The following GABRB3 variants were observed in gnomAD, a reference collection of about 807,000 sequenced individuals.
GABRB3 encodes gamma-aminobutyric acid receptor subunit beta-3.
In GABRB3, 14 loss-of-function variants were observed where a neutral mutation model predicts 52.1. The ratio of observed to expected loss-of-function variants is 0.27; its 90% CI spans 0.18 to 0.42. The LOEUF (loss-of-function observed/expected upper bound fraction) is 0.42. Ranked by LOEUF, GABRB3 falls within the 10% of genes least tolerant of loss-of-function variation. The pLI, the probability that GABRB3 is intolerant of heterozygous loss-of-function variation, is 1.00. For synonymous variants in GABRB3, 260 were observed against 232.3 expected (o/e 1.12, Z -1.08); for missense variants, 307 against 609.1 (o/e 0.50, Z 5.22).
chr15:26,563,555 G>C lies in GABRB3; in HGVS notation c.836-2379C>G, dbSNP rs576395964. ...AGCCCAGCTCTGCCTCTGTGGGTCTGTAGCCATCATTTCGAGCTGTTGGAA... is the reference window on the plus strand; with the variant it reads ...AGCCCAGCTCTGCCTCTGTGGGTCTCTAGCCATCATTTCGAGCTGTTGGAA... On this transcript the variant is annotated intron_variant, in intron 7 of 8. Transcript: ENST00000311550. Among the ~76,000 whole-genome samples, 8 of 152,324 alleles carry C rather than the reference G, an allele frequency of 5.3e-5. No individual in the cohort carries two copies. In the South Asian group the frequency reaches 1.7e-3, roughly 32 times the overall value.
At chr15:26,762,488 G>A (rs985545204) in intron 3 of GABRB3, among the ~76,000 whole-genome samples, 12 of 152,048 alleles carry the variant, frequency 7.9e-5, no homozygotes, top group Admixed American at 6.5e-4. Context: ...CCTCTGTGAA[G>A]AAGTGCTAAT....
intron 3 of GABRB3, among the ~76,000 whole-genome samples, chr15:26,699,714 T>C (rs1595537635): frequency 6.6e-6 from 1 of 152,166 alleles, no homozygotes. Context: ...AAGGTGAGTA[T>C]ATTTGAGGAC....
intron 3 of GABRB3, among the ~76,000 whole-genome samples, chr15:26,754,325 GAGAGAC>G (rs902851113): frequency 1.1e-4 from 16 of 152,190 alleles, no homozygotes; most frequent in South Asian, 2.1e-4. Flanking sequence ...CAAGAAAAGA[GAGAGAC>G]AGAGACAGAG....
chr15:26,731,063 GCTCTCGCT>G (rs988908917), intron 3 of GABRB3, among the ~76,000 whole-genome samples: 36 of 80,972 alleles, frequency 4.4e-4, no homozygotes, highest in South Asian at 4.0e-3. Flanking sequence ...TCTCTCACTC[GCTCTCGCT>G]CTCTCTCTCT....
At chr15:26,750,785 T>C (rs939572414) in intron 3 of GABRB3, among the ~76,000 whole-genome samples, 3 of 152,206 alleles carry the variant, frequency 2.0e-5, no homozygotes, top group African/African-American at 7.2e-5. Context: ...AAACCTGTGA[T>C]GCAGGCTAGA....
intron 3 of GABRB3, among the ~76,000 whole-genome samples, chr15:26,762,482 T>C (rs183585291): frequency 3.3e-5 from 5 of 152,240 alleles, no homozygotes; most frequent in East Asian, 3.9e-4. Context: ...CCAAAACCTC[T>C]GTGAAGAAGT....
At chr15:26,738,392 C>T (rs1236943667) in intron 3 of GABRB3, among the ~76,000 whole-genome samples, 1 of 152,146 alleles carries the variant, frequency 6.6e-6, no homozygotes, top group Non-Finnish European at 1.5e-5. Context: ...CAGTCTTGGG[C>T]TTACTGACAA....
intron 7 of GABRB3, among the ~76,000 whole-genome samples, chr15:26,564,801 T>C (rs1203223722): frequency 1.3e-5 from 2 of 152,210 alleles, no homozygotes; most frequent in African/African-American, 4.8e-5. Flanking sequence ...GAGTTCATAA[T>C]GTTTGGTTAG....
At chr15:26,684,465 C>T (rs375473780) in intron 3 of GABRB3, among the ~76,000 whole-genome samples, 2 of 152,260 alleles carry the variant, frequency 1.3e-5, no homozygotes, top group African/African-American at 4.8e-5. Flanking sequence ...CAATTTCTTT[C>T]AATAATGTTT....
In GABRB3 at chr15:26,544,005, ACCTGGGCAGTTCTTTGCC is replaced by A. The variant is rs1889128047; in HGVS notation, c.*3770_*3787del. ...CTAGTGTCCTGGAAAAATTTAATTC[ACCTGGGCAGTTCTTTGCC>A]CCAAGATTCGATGTTACTCTAATGG... On this transcript the variant is annotated 3_prime_UTR_variant, in exon 9 of 9. Transcript: ENST00000311550. 6.6e-6 allele frequency: 1 copy of A among 152,602 alleles called. No individual in the cohort carries two copies. Among genetic ancestry groups the A allele is most frequent in the Admixed American group, 6.5e-5 (1 of 15,274 alleles). 9.5% of individuals were successfully genotyped at this position (152,602 alleles called of 1,614,324 possible).
chr15:26,605,423 C>G (rs138420892), intron 4 of GABRB3, among the ~76,000 whole-genome samples: 4 of 152,242 alleles, frequency 2.6e-5, no homozygotes, highest in African/African-American at 4.8e-5. Context: ...ATACACCCAA[C>G]AGGTGAAAAA....
At position 26,621,302 on chromosome 15, in the gene GABRB3, A is replaced by C. The variant is rs745398271; in HGVS notation, c.461+12T>G. The C allele has an allele frequency of 9.9e-6, 16 of 1,610,524 alleles. No homozygotes were observed. The East Asian group carries it at 3.3e-4, about 34-fold the overall frequency. ...TGCAACAGCAAAATTGGTCCTGAAG[A>C]GGCACACAGACCTGAGCCCATACAG... On this transcript the variant is annotated intron_variant, in intron 4 of 8. Transcript: ENST00000311550. This position sits in a 1 kb window ranked among gnomAD's most constrained non-coding sequence, Gnocchi z 4.1.
At chr15:26,684,549 T>C (rs1394025641) in intron 3 of GABRB3, among the ~76,000 whole-genome samples, 1 of 152,218 alleles carries the variant, frequency 6.6e-6, no homozygotes, top group African/African-American at 2.4e-5. Context: ...CGGCGTGCCT[T>C]TCTCACTAAG....
chr15:26,603,528 A>C (rs1415133950), intron 4 of GABRB3, among the ~76,000 whole-genome samples: 1 of 152,142 alleles, frequency 6.6e-6, no homozygotes, highest in East Asian at 1.9e-4. Flanking sequence ...TATTCAACAA[A>C]ATACTAGGAA....
intron 3 of GABRB3, among the ~76,000 whole-genome samples, chr15:26,740,045 A>C (rs1890161718): frequency 6.6e-6 from 1 of 152,128 alleles, no homozygotes; most frequent in African/African-American, 2.4e-5. Context: ...GTGTCAACAA[A>C]ATGATCTTCC....
chr15:26,771,321 A>G (rs928509852), intron 3 of GABRB3, among the ~76,000 whole-genome samples: 7 of 152,160 alleles, frequency 4.6e-5, no homozygotes, highest in African/African-American at 1.7e-4. Flanking sequence ...CTTGATCAGA[A>G]TCCCTTGGAG....
In GABRB3 at chr15:26,595,706, C is replaced by T. The variant is rs534831892; in HGVS notation, c.462-12292G>A. 1.8e-4 allele frequency among the ~76,000 whole-genome samples: 28 copies of T among 152,314 alleles called. No individual in the cohort carries two copies. In the South Asian group the frequency reaches 3.1e-3, roughly 17 times the overall value. Reference sequence around the variant, plus strand: ...ATCTGCCATTCTGACTTCTGATTAACCCCTGTTCCAGGAATGCCTCTAAGA... The same window carrying T: ...ATCTGCCATTCTGACTTCTGATTAATCCCTGTTCCAGGAATGCCTCTAAGA... On this transcript the variant is annotated intron_variant, in intron 4 of 8. Coordinates refer to ENST00000311550, the MANE Select transcript of GABRB3 (RefSeq NM_000814.6).
chr15:26,687,452 G>A (rs954648886), intron 3 of GABRB3, among the ~76,000 whole-genome samples: 4 of 152,064 alleles, frequency 2.6e-5, no homozygotes. Context: ...AAATCAGCGT[G>A]ACCTGACACA....
chr15:26,609,103 TACACACACAC>T lies in GABRB3; in HGVS notation c.461+12201_461+12210del, dbSNP rs79471574. Reference sequence around the variant, plus strand: ...AATGATACACACACACACACACACATACACACACACACACACACACACACACACACACAAT... The same window carrying T: ...AATGATACACACACACACACACACATACACACACACACACACACACACAAT... On this transcript the variant is annotated intron_variant, in intron 4 of 8. Coordinates refer to ENST00000311550, the MANE Select transcript of GABRB3 (RefSeq NM_000814.6). Among the ~76,000 whole-genome samples the T allele has an allele frequency of 5.5e-3, 784 of 143,364 alleles. 6 individuals are homozygous for T. Among genetic ancestry groups the T allele is most frequent in the African/African-American group, 0.021 (747 of 35,340 alleles). The allele number at this position is 143,364 out of a possible 152,430, so 94.1% of individuals were successfully genotyped here.
Sources: gnomAD v4.1 joint callset for allele counts (sites outside exome capture counted in the v4.1 genomes callset) on GRCh38, gnomAD v4.1.1 for gene constraint, Gnocchi (gnomAD v3.1) non-coding constraint, MANE v1.5 for transcripts, NCBI Gene and HGNC (gene_info 2026-07-23, HGNC 2026-07-21) for gene names.